DCC: variants seen among roughly 807,000 people sequenced by gnomAD.
DCC encodes netrin receptor DCC.
Under a neutral mutation model 172.5 loss-of-function variants are expected in DCC, and 58 were observed. The ratio of observed to expected loss-of-function variants is 0.34; its 90% confidence interval spans 0.27 to 0.42. The LOEUF (loss-of-function observed/expected upper bound fraction) is 0.42, where lower values mean the gene tolerates loss of function less well. DCC is among the 10% of genes least tolerant of loss of function. The pLI, the probability that DCC is intolerant of heterozygous loss-of-function variation, is 1.00. For synonymous variants in DCC, 709 were observed against 644.5 expected (o/e 1.10, Z -1.52); for missense variants, 1,740 against 1,791.0 (o/e 0.97, Z 0.51).
intron 1 of DCC, among the ~76,000 whole-genome samples, chr18:52,691,335 T>C (rs2145012108): frequency 6.6e-6 from 1 of 152,240 alleles, no homozygotes; most frequent in Non-Finnish European, 1.5e-5. Context: ...TCTATGACCC[T>C]CTGTATTAGT....
At chr18:52,902,327 A>G (rs1598913202) in intron 2 of DCC, among the ~76,000 whole-genome samples, 1 of 152,184 alleles carries the variant, frequency 6.6e-6, no homozygotes, top group Non-Finnish European at 1.5e-5. Context: ...GAGCACTGAT[A>G]TTTTGACTAT....
intron 7 of DCC, among the ~76,000 whole-genome samples, chr18:53,086,007 C>CTTATTATTATTATTATTA (rs1599113255): frequency 4.5e-5 from 1 of 22,424 alleles, no homozygotes. Flanking sequence ...CCTTCTTCTC[C>CTTATTATTATTATTATTA]TTCTCCTTCT....
intron 5 of DCC, among the ~76,000 whole-genome samples, chr18:53,048,503 G>A (rs901627329): frequency 1.3e-4 from 20 of 149,850 alleles, no homozygotes; most frequent in Non-Finnish European, 2.4e-4. Context: ...GTGTGTGTGT[G>A]TGTGTGTGTG....
chr18:52,997,256 A>C (rs1386519336), intron 5 of DCC, among the ~76,000 whole-genome samples: 2 of 152,110 alleles, frequency 1.3e-5, no homozygotes, highest in African/African-American at 4.8e-5. Context: ...AGATATCTAC[A>C]AGCCTCCATC....
chr18:52,403,938 G>A (rs1056564248), intron 1 of DCC, among the ~76,000 whole-genome samples: 1 of 152,046 alleles, frequency 6.6e-6, no homozygotes, highest in African/African-American at 2.4e-5. Flanking sequence ...ATTATGTAGA[G>A]CTTTAGTCAT....
intron 5 of DCC, among the ~76,000 whole-genome samples, chr18:52,984,789 G>A (rs2041266158): frequency 6.6e-6 from 1 of 152,036 alleles, no homozygotes; most frequent in Non-Finnish European, 1.5e-5. Context: ...GTAAGAAAAT[G>A]TAATTCTTTT....
chr18:52,550,204 A>G (rs2032729769), intron 1 of DCC, among the ~76,000 whole-genome samples: 1 of 151,986 alleles, frequency 6.6e-6, no homozygotes, highest in Non-Finnish European at 1.5e-5. Flanking sequence ...AATGAGAAAC[A>G]TTCTACAAAA....
At chr18:53,047,557 C>A (rs1213590667) in intron 5 of DCC, among the ~76,000 whole-genome samples, 1 of 142,830 alleles carries the variant, frequency 7.0e-6, no homozygotes, top group Non-Finnish European at 1.5e-5. Flanking sequence ...CTGACCCTAC[C>A]CTTCGTTGCC....
At chr18:52,787,462 A>G (rs1360335182) in intron 2 of DCC, among the ~76,000 whole-genome samples, 2 of 152,130 alleles carry the variant, frequency 1.3e-5, no homozygotes, top group Non-Finnish European at 2.9e-5. Flanking sequence ...CATGGTTTAC[A>G]ATAATTTTAC....
At chr18:53,145,472 T>G (rs1056584232) in intron 7 of DCC, among the ~76,000 whole-genome samples, 5 of 152,194 alleles carry the variant, frequency 3.3e-5, no homozygotes, top group African/African-American at 1.2e-4. Context: ...GGAGCTGTCT[T>G]GCCCTTTCTA....
intron 2 of DCC, among the ~76,000 whole-genome samples, chr18:52,862,669 G>A (rs11561595): frequency 0.23 from 34,915 of 151,960 alleles, 4,711 homozygotes; most frequent in Admixed American, 0.32. Flanking sequence ...CTGCACTTCA[G>A]CCTGGGCAAC....
intron 12 of DCC, among the ~76,000 whole-genome samples, chr18:53,280,401 T>C (rs1426012864): frequency 4.6e-5 from 7 of 152,160 alleles, no homozygotes; most frequent in Non-Finnish European, 1.0e-4. Flanking sequence ...CAAAATGTCA[T>C]GAAGTTACTG....
chr18:53,467,965 C>T lies in DCC; in HGVS notation c.3691C>T (p.Arg1231Trp), dbSNP rs1290295808. 9.9e-6 allele frequency: 16 copies of T among 1,611,712 alleles called. No individual in the cohort carries two copies. The highest frequency in any genetic ancestry group is 3.3e-5 in the South Asian group (3 of 91,042). Residue 1231 changes from arginine to tryptophan, a missense_variant, in exon 25 of 29, where the codon CGG becomes TGG. Physicochemically the swap from Arg to Trp is moderately radical, Grantham distance 101. This residue lies in a region of DCC where 1,732 missense variants were observed against 1,767.4 expected (regional missense o/e 0.98). Transcript: ENST00000442544. ...ERSLAARRAP[R>W]AKLMIPMDAQ... is the part of the protein sequence containing the mutation. ...GTCGCTGGCTGCACGCCGAGCCCCCCGGGCCAAGCTCATGATTCCCATGGA... is the reference window on the plus strand; with the variant it reads ...GTCGCTGGCTGCACGCCGAGCCCCCTGGGCCAAGCTCATGATTCCCATGGA...
At chr18:52,455,182 T>A (rs1296461860) in intron 1 of DCC, among the ~76,000 whole-genome samples, 3 of 152,218 alleles carry the variant, frequency 2.0e-5, no homozygotes, top group African/African-American at 7.2e-5. Flanking sequence ...TGATTTAATT[T>A]AATTAATTTA....
At chr18:52,504,982 C>G (rs928983349) in intron 1 of DCC, among the ~76,000 whole-genome samples, 1 of 152,132 alleles carries the variant, frequency 6.6e-6, no homozygotes, top group African/African-American at 2.4e-5. Context: ...TTGAAATGAT[C>G]CTAGAAAAGC....
chr18:53,103,847 A>T (rs1348797822), intron 7 of DCC, among the ~76,000 whole-genome samples: 1 of 151,992 alleles, frequency 6.6e-6, no homozygotes, highest in African/African-American at 2.4e-5. Context: ...GTCCTTATTC[A>T]TTATTTGCCT....
intron 1 of DCC, among the ~76,000 whole-genome samples, chr18:52,692,289 A>C (rs2073462443): frequency 6.6e-6 from 1 of 152,158 alleles, no homozygotes; most frequent in Non-Finnish European, 1.5e-5. Context: ...TATGTACAAT[A>C]CAAATTGCTA....
At chr18:53,138,705 G>T (rs146167613) in intron 7 of DCC, among the ~76,000 whole-genome samples, 18 of 152,124 alleles carry the variant, frequency 1.2e-4, no homozygotes, top group Non-Finnish European at 2.6e-4. Context: ...CAATTTTGTC[G>T]TTGAATTGGT....
intron 5 of DCC, among the ~76,000 whole-genome samples, chr18:53,035,261 C>T (rs894148555): frequency 6.6e-6 from 1 of 151,834 alleles, no homozygotes; most frequent in Non-Finnish European, 1.5e-5. Flanking sequence ...CCATACCACC[C>T]GAAATGCACA....
Sources: gnomAD v4.1 joint callset for allele counts (sites outside exome capture counted in the v4.1 genomes callset) on GRCh38, gnomAD v4.1.1 for gene constraint, gnomAD v4.1.1 regional missense constraint, MANE v1.5 for transcripts, NCBI Gene and HGNC (gene_info 2026-07-23, HGNC 2026-07-21) for gene names.